PELI2: variants seen among roughly 807,000 people sequenced by gnomAD.
The protein encoded by PELI2 is E3 ubiquitin-protein ligase pellino homolog 2.
PELI2 carries 23 observed loss-of-function variants against 42.3 expected under a neutral mutation model. The observed-to-expected ratio is 0.54, with a 90% CI of 0.39 to 0.77. The LOEUF is 0.77. PELI2 is among the 30% of genes least tolerant of loss of function. The pLI is 0.00. For missense variants in PELI2, 463 were observed against 553.2 expected (o/e 0.84, Z 1.64); for synonymous variants, 245 against 212.2 (o/e 1.15, Z -1.34).
At position 56,180,288 on chromosome 14, in the gene PELI2, A is replaced by G. The variant is rs1885532289; in HGVS notation, c.207+1824A>G. On this transcript the variant is annotated intron_variant, in intron 2 of 5. Coordinates refer to ENST00000267460, the MANE Select transcript of PELI2 (RefSeq NM_021255.3). This position sits in a 1 kb window ranked among gnomAD's most constrained non-coding sequence, Gnocchi z 4.4. ...CTTCAAGCAGGAGCTCTGTTGAATT[A>G]GAAAATATACTTTGTTCATAACAAT... Among the ~76,000 whole-genome samples the G allele has an allele frequency of 6.6e-6, 1 of 152,200 alleles. No individual in the cohort carries two copies. The highest frequency in any genetic ancestry group is 1.5e-5 in the Non-Finnish European group (1 of 68,034).
chr14:56,288,288 G>A lies in PELI2; in HGVS notation c.310-149G>A. 1.6e-6 allele frequency: 1 copy of A among 640,814 alleles called. No homozygotes were observed. Among genetic ancestry groups the A allele is most frequent in the South Asian group, 1.9e-5 (1 of 51,496 alleles). 39.7% of individuals were successfully genotyped at this position (640,814 alleles called of 1,614,324 possible). On this transcript the variant is annotated intron_variant, in intron 3 of 5. Coordinates refer to ENST00000267460, the MANE Select transcript of PELI2 (RefSeq NM_021255.3). This position sits in a 1 kb window ranked among gnomAD's most constrained non-coding sequence, Gnocchi z 4.6. ...TATCTTCCCTAGTTAAATAGGAAAAGGAGCACGAATGAAAATCTTGCATTA... is the reference window on the plus strand; with the variant it reads ...TATCTTCCCTAGTTAAATAGGAAAAAGAGCACGAATGAAAATCTTGCATTA...
At position 56,277,896 on chromosome 14, in the gene PELI2, G is replaced by T. The variant is rs529178273; in HGVS notation, c.208-1780G>T. ...GTAACCCTTCCAATTCAGGCAAATG[G>T]AGTGGAAGTTTGAGAAACACCATAC... On this transcript the variant is annotated intron_variant, in intron 2 of 5. Coordinates refer to ENST00000267460, the MANE Select transcript of PELI2 (RefSeq NM_021255.3). Among the ~76,000 whole-genome samples the T allele has an allele frequency of 3.9e-5, 6 of 152,342 alleles. No individual in the cohort carries two copies. The South Asian group carries it at 8.3e-4, about 21-fold the overall frequency.
intron 2 of PELI2, among the ~76,000 whole-genome samples, chr14:56,190,494 T>G (rs957766880): frequency 6.6e-6 from 1 of 152,136 alleles, no homozygotes; most frequent in African/African-American, 2.4e-5. Flanking sequence ...AACAGGACAT[T>G]ATCAATACCC....
At chr14:56,198,089 C>T (rs962843300) in intron 2 of PELI2, among the ~76,000 whole-genome samples, 4 of 151,578 alleles carry the variant, frequency 2.6e-5, no homozygotes, top group Non-Finnish European at 5.9e-5. Context: ...TACAGAGAAG[C>T]GAATATATCT....
chr14:56,237,499 T>C (rs1887839684), intron 2 of PELI2, among the ~76,000 whole-genome samples: 1 of 152,022 alleles, frequency 6.6e-6, no homozygotes, highest in Admixed American at 6.6e-5. Context: ...TTGTTTAATA[T>C]TCTGTTCTTT....
rs141006654 is a variant in PELI2 at position 56,151,927 on chromosome 14, C to T, written c.78-26408C>T. Among the ~76,000 whole-genome samples, 9 of 152,274 alleles carry T rather than the reference C, an allele frequency of 5.9e-5. No homozygotes were observed. The East Asian group carries it at 1.5e-3, about 26-fold the overall frequency. On this transcript the variant is annotated intron_variant, in intron 1 of 5. Coordinates refer to ENST00000267460, the MANE Select transcript of PELI2 (RefSeq NM_021255.3). ...AGATGTTTCCTTTCTCATCAAATAG[C>T]CCAAAGTTGAGCAGTCCAAGGCTGC...
chr14:56,196,421 A>T (rs777088499), intron 2 of PELI2, among the ~76,000 whole-genome samples: 1 of 152,214 alleles, frequency 6.6e-6, no homozygotes, highest in African/African-American at 2.4e-5. Context: ...CAGTAATTAC[A>T]TCACTATTTC....
chr14:56,244,031 G>A (rs2139800474), intron 2 of PELI2, among the ~76,000 whole-genome samples: 1 of 152,284 alleles, frequency 6.6e-6, no homozygotes, highest in East Asian at 1.9e-4. Context: ...GTCATTTTCA[G>A]ACAGAGTACA....
At chr14:56,281,215 A>G (rs1889471422) in intron 3 of PELI2, among the ~76,000 whole-genome samples, 1 of 152,128 alleles carries the variant, frequency 6.6e-6, no homozygotes. Context: ...TTTAACCAAA[A>G]AGTTGTTCAT....
At chr14:56,289,583 T>C (rs955925876) in intron 4 of PELI2, among the ~76,000 whole-genome samples, 1 of 152,120 alleles carries the variant, frequency 6.6e-6, no homozygotes, top group Non-Finnish European at 1.5e-5. Context: ...GGGAGTGTCA[T>C]GTTGGGTTAA....
chr14:56,292,905 TATTTA>T, intron 5 of PELI2: 1 of 739,936 alleles, frequency 1.4e-6, no homozygotes, highest in African/African-American at 1.9e-5. Flanking sequence ...GGGCCTTGAG[TATTTA>T]ATTAAATTAT....
intron 2 of PELI2, among the ~76,000 whole-genome samples, chr14:56,180,000 G>A (rs1885522378): frequency 6.6e-6 from 1 of 152,112 alleles, no homozygotes; most frequent in Admixed American, 6.5e-5. Context: ...TGAGAGAAAA[G>A]TATCTCTTCT....
intron 2 of PELI2, among the ~76,000 whole-genome samples, chr14:56,228,765 G>A (rs541149907): frequency 7.2e-5 from 11 of 152,338 alleles, no homozygotes; most frequent in African/African-American, 2.4e-4. Flanking sequence ...GACAGTGGGT[G>A]CAGCCCACGG....
rs770332655 is a variant in PELI2, at chr14:56,297,016, C to T, written c.1113C>T (p.His371=). 7.4e-6 allele frequency: 12 copies of T among 1,613,952 alleles called. No homozygotes were observed. Among genetic ancestry groups the T allele is most frequent in the African/African-American group, 4.0e-5 (3 of 74,908 alleles). ...PPTHAFTPCG[H]VCSEKSAKYW... ...CTCATGCTTTCACTCCCTGTGGACA[C>T]GTGTGCTCGGAGAAGTCTGCAAAAT... Residue 371 remains histidine, a synonymous_variant, in exon 6 of 6, where the codon CAC becomes CAT. Transcript: ENST00000267460.
intron 2 of PELI2, among the ~76,000 whole-genome samples, chr14:56,220,155 C>T (rs866042944): frequency 3.3e-5 from 5 of 152,330 alleles, no homozygotes; most frequent in Middle Eastern, 3.4e-3. Flanking sequence ...ACACAACAGA[C>T]GTGTCCCAGC....
At chr14:56,211,687 T>C (rs1886716657) in intron 2 of PELI2, among the ~76,000 whole-genome samples, 1 of 152,200 alleles carries the variant, frequency 6.6e-6, no homozygotes, top group Admixed American at 6.5e-5. Context: ...GAAATTTCAT[T>C]ATAAAAGTAT....
intron 2 of PELI2, among the ~76,000 whole-genome samples, chr14:56,205,309 A>G (rs1457705787): frequency 6.6e-6 from 1 of 152,164 alleles, no homozygotes; most frequent in Non-Finnish European, 1.5e-5. Context: ...TCAAAGAGTG[A>G]TACTGGTAGT....
intron 2 of PELI2, among the ~76,000 whole-genome samples, chr14:56,182,370 A>G (rs1205339396): frequency 6.6e-6 from 1 of 152,172 alleles, no homozygotes; most frequent in Non-Finnish European, 1.5e-5. Context: ...TTTTTATGAT[A>G]TGGGACAACT....
At chr14:56,150,212 T>C (rs1040200934) in intron 1 of PELI2, among the ~76,000 whole-genome samples, 5 of 152,354 alleles carry the variant, frequency 3.3e-5, no homozygotes, top group Admixed American at 1.3e-4. Context: ...AACTGTCAAG[T>C]GTGTCTGGTG....
Sources: gnomAD v4.1 joint callset for allele counts (sites outside exome capture counted in the v4.1 genomes callset) on GRCh38, gnomAD v4.1.1 for gene constraint, Gnocchi (gnomAD v3.1) non-coding constraint, MANE v1.5 for transcripts, NCBI Gene and HGNC (gene_info 2026-07-23, HGNC 2026-07-21) for gene names.